The following PIK3R6 variants were observed in gnomAD, a reference collection of about 807,000 sequenced individuals.
PIK3R6 encodes phosphoinositide-3-kinase regulatory subunit 6.
In PIK3R6, 91 loss-of-function variants were observed where a neutral mutation model predicts 84.9. The observed-to-expected ratio is 1.07, with a 90% CI of 0.90 to 1.28. The LOEUF (loss-of-function observed/expected upper bound fraction) is 1.28, where lower values mean the gene tolerates loss of function less well. PIK3R6 is among the 50% of genes most tolerant of loss of function. The pLI is 0.00. For synonymous variants in PIK3R6, 416 were observed against 411.4 expected (o/e 1.01, Z -0.13); for missense variants, 996 against 985.1 (o/e 1.01, Z -0.15).
chr17:8,834,949 T>C (rs1043881036), intron 8 of PIK3R6, among the ~76,000 whole-genome samples: 2 of 152,182 alleles, frequency 1.3e-5, no homozygotes, highest in African/African-American at 4.8e-5. Flanking sequence ...GCTATTCTCC[T>C]GCCTCAGCCT....
intron 1 of PIK3R6, among the ~76,000 whole-genome samples, chr17:8,857,351 A>G (rs2089166219): frequency 6.6e-6 from 1 of 152,194 alleles, no homozygotes; most frequent in African/African-American, 2.4e-5. Flanking sequence ...CGTGGCCATG[A>G]AGGATAGAAC....
At position 8,828,630 on chromosome 17, in the gene PIK3R6, C is replaced by T. The variant is rs758849024; in HGVS notation, c.1250G>A (p.Arg417Gln). ...CCTGTCATCTCCGAGCACAAGTACC[C>T]GGGCTGTGTGCAGCCGGGACACGCC... is the stretch of plus-strand genomic sequence containing the variant. ...LPGVSRLHTA[R>Q]VLVLGDDRML... Residue 417 changes from arginine (R) to glutamine (Q), a missense_variant, in exon 11 of 20, where the codon CGG becomes CAG. Transcript: ENST00000619866. The T allele has an allele frequency of 1.4e-5, 22 of 1,613,444 alleles. No individual in the cohort carries two copies. The South Asian group carries it at 2.3e-4, about 17-fold the overall frequency.
chr17:8,808,042 A>G (rs1474986050), intron 18 of PIK3R6, among the ~76,000 whole-genome samples: 1 of 152,136 alleles, frequency 6.6e-6, no homozygotes, highest in Non-Finnish European at 1.5e-5. Context: ...TAGAGAGGAC[A>G]AAGAAGGGAG....
intron 2 of PIK3R6, among the ~76,000 whole-genome samples, chr17:8,840,293 T>TCC (rs2088630899): frequency 4.3e-5 from 6 of 140,656 alleles, no homozygotes; most frequent in African/African-American, 1.3e-4. Context: ...ATATACAGCC[T>TCC]ACAAATATGT....
chr17:8,859,038 G>A lies in PIK3R6; in HGVS notation c.-92+8491C>T, dbSNP rs2089210233. ...GCTGAAGGCTGGGAAGCCGGAATAAGCACATGCAATTGTCTTGTATGTAAA... is the reference window on the plus strand; with the variant it reads ...GCTGAAGGCTGGGAAGCCGGAATAAACACATGCAATTGTCTTGTATGTAAA... On this transcript the variant is annotated intron_variant, in intron 1 of 19. Transcript: ENST00000619866. Among the ~76,000 whole-genome samples the A allele has an allele frequency of 2.0e-5, 3 of 151,954 alleles. No homozygotes were observed. The South Asian group carries it at 6.2e-4, about 31-fold the overall frequency.
In PIK3R6 at chr17:8,828,157, G is replaced by T. The variant is rs1267452119; in HGVS notation, c.1347C>A (p.Pro449=). 1 of 1,613,882 alleles carries T rather than the reference G, an allele frequency of 6.2e-7. No homozygotes were observed. Among genetic ancestry groups the T allele is most frequent in the African/African-American group, 1.3e-5 (1 of 74,932 alleles). ...TGTAGTAGAGCTGCAGGCTGAGTCTGGGAGTGAGGCAGAACTTCTGGGTCT... is the reference window on the plus strand; with the variant it reads ...TGTAGTAGAGCTGCAGGCTGAGTCTTGGAGTGAGGCAGAACTTCTGGGTCT... ...KRETQKFCLT[P]RLSLQLYYIP... Residue 449 remains proline (P), a synonymous_variant, in exon 12 of 20, where the codon CCC becomes CCA. Coordinates refer to ENST00000619866, the MANE Select transcript of PIK3R6 (RefSeq NM_001010855.4).
Position 8,828,169 on chromosome 17 carries a change from G to C in PIK3R6, c.1335C>G (p.Phe445Leu), listed in dbSNP as rs166435. 15 of 1,613,874 alleles carry C rather than the reference G, an allele frequency of 9.3e-6. No individual in the cohort carries two copies. The highest frequency in any genetic ancestry group is 1.3e-5 in the Non-Finnish European group (15 of 1,179,876). Residue 445 changes from phenylalanine to leucine, a missense_variant, in exon 12 of 20, where the codon TTC (phenylalanine) becomes TTG (leucine). Coordinates refer to ENST00000619866, the MANE Select transcript of PIK3R6 (RefSeq NM_001010855.4). ...GCAGGCTGAGTCTGGGAGTGAGGCAGAACTTCTGGGTCTCCCGTTTCCTAG... is the reference window on the plus strand; with the variant it reads ...GCAGGCTGAGTCTGGGAGTGAGGCACAACTTCTGGGTCTCCCGTTTCCTAG... ...HRLRKRETQKFCLTPRLSLQL... is the reference protein window; with the variant it reads ...HRLRKRETQKLCLTPRLSLQL...
chr17:8,805,621 C>A (rs1406436106), intron 18 of PIK3R6, among the ~76,000 whole-genome samples: 1 of 152,180 alleles, frequency 6.6e-6, no homozygotes, highest in Non-Finnish European at 1.5e-5. Context: ...GCCAACAGAA[C>A]CTGTGGCACC....
At chr17:8,833,389 C>T (rs2151257451) in intron 8 of PIK3R6, among the ~76,000 whole-genome samples, 1 of 152,176 alleles carries the variant, frequency 6.6e-6, no homozygotes, top group East Asian at 1.9e-4. Context: ...TTGTGAATTC[C>T]AGGAATTCAC....
At chr17:8,832,093 A>G (rs1316425103) in intron 9 of PIK3R6, among the ~76,000 whole-genome samples, 2 of 152,230 alleles carry the variant, frequency 1.3e-5, no homozygotes, top group South Asian at 2.1e-4. Flanking sequence ...GGATTACTGC[A>G]GCTGAGTAGT....
In PIK3R6 at chr17:8,828,762, T is replaced by C. The variant is rs1448577577; in HGVS notation, c.1118A>G (p.Lys373Arg). The change falls in exon 11 of 20, where the codon AAG (lysine) becomes AGG (arginine). Residue 373 changes from lysine to arginine, a missense_variant. Lys to Arg is a conservative substitution (Grantham distance 26, BLOSUM62 2). Coordinates refer to ENST00000619866, the MANE Select transcript of PIK3R6 (RefSeq NM_001010855.4). ...GAAGTCCAGGGGCCATGCACGCTTC[T>C]TGATGCCCCCTTTGCGCTGCAGCCC... ...RAGLQRKGGI[K>R]KRAWPLDFLM... 1 of 1,597,248 alleles carries C rather than the reference T, an allele frequency of 6.3e-7. No homozygotes were observed.
intron 15 of PIK3R6, 82 bp from the exon 16 acceptor site, chr17:8,822,739 C>T (rs568966402): frequency 1.4e-6 from 2 of 1,403,046 alleles, no homozygotes; most frequent in South Asian, 1.2e-5. Flanking sequence ...AGGGCAGGAG[C>T]TGAGCTGCTG....
Position 8,829,876 on chromosome 17 carries a change from C to T in PIK3R6, c.803-84G>A, listed in dbSNP as rs897714052. 242 of 1,153,254 alleles carry T rather than the reference C, an allele frequency of 2.1e-4. 1 individual carries two copies. Among genetic ancestry groups the T allele is most frequent in the Non-Finnish European group, 2.8e-4 (230 of 815,736 alleles). The allele number at this position is 1,153,254 out of a possible 1,614,324, so 71.4% of individuals were successfully genotyped here. On this transcript the variant is annotated intron_variant, in intron 9 of 19. Transcript: ENST00000619866. Reference sequence around the variant, plus strand: ...CTCCCCATCCTGCCCAGCTCCTGTGCGGGGTCTTAGAGAGGTGGCAGGGAC... The same window carrying T: ...CTCCCCATCCTGCCCAGCTCCTGTGTGGGGTCTTAGAGAGGTGGCAGGGAC...
Position 8,803,345 on chromosome 17 carries a change from C to T in PIK3R6, c.2193G>A (p.Glu731=). The change falls in exon 20 of 20, where the codon GAG becomes GAA. Residue 731 remains glutamate, a synonymous_variant. Transcript: ENST00000619866. This position sits in a 1 kb window ranked among gnomAD's most constrained non-coding sequence, Gnocchi z 5.0. ...TGGGCTTGGCTTTGATTGCTTCCAC[C>T]TCCTGTTGCCCATGCAAATTGAGCC... ...APWLNLHGQQ[E]VEAIKAKPKP... is the part of the protein sequence containing the mutation. The T allele has an allele frequency of 6.2e-7, 1 of 1,613,608 alleles. No homozygotes were observed.
Position 8,832,962 on chromosome 17 carries a change from G to A in PIK3R6, c.729C>T (p.Ser243=), listed in dbSNP as rs2088307902. The part of the protein sequence containing the change: ...LEQMASEASP[S]REGHVERLEE... Reference sequence around the variant, plus strand: ...CCAGCCTCTCTACGTGTCCCTCCCGGCTCGGGCTGGCCTCGCTGGCCATCT... The same window carrying A: ...CCAGCCTCTCTACGTGTCCCTCCCGACTCGGGCTGGCCTCGCTGGCCATCT... Residue 243 remains serine (S), a synonymous_variant, in exon 9 of 20, where the codon AGC becomes AGT. Coordinates refer to ENST00000619866, the MANE Select transcript of PIK3R6 (RefSeq NM_001010855.4). The A allele has an allele frequency of 6.2e-7, 1 of 1,612,456 alleles. No homozygotes were observed. The highest frequency in any genetic ancestry group is 8.5e-7 in the Non-Finnish European group (1 of 1,179,726).
At chr17:8,841,428 G>A (rs567067981) in intron 2 of PIK3R6, among the ~76,000 whole-genome samples, 9 of 152,200 alleles carry the variant, frequency 5.9e-5, no homozygotes, top group Non-Finnish European at 1.2e-4. Flanking sequence ...ATCCCTTACC[G>A]TCGATGTATA....
chr17:8,841,151 C>T (rs1352582418), intron 2 of PIK3R6, among the ~76,000 whole-genome samples: 1 of 152,074 alleles, frequency 6.6e-6, no homozygotes, highest in East Asian at 1.9e-4. Flanking sequence ...CCTGTCTTTT[C>T]TGGTAGTCTC....
At chr17:8,845,827 C>T (rs1597427245) in intron 2 of PIK3R6, among the ~76,000 whole-genome samples, 1 of 152,124 alleles carries the variant, frequency 6.6e-6, no homozygotes, top group African/African-American at 2.4e-5. Flanking sequence ...ATCCCAGCTA[C>T]ACAGGAAGCT....
In PIK3R6 at chr17:8,803,768, T is replaced by C; in HGVS notation, c.2108+273A>G. ...GCCCGTGCCTGCAGAGGGGACTGGA[T>C]CAGGAGGCTGCAGGCTGAGTGTATG... On this transcript the variant is annotated intron_variant, in intron 19 of 19. Coordinates refer to ENST00000619866, the MANE Select transcript of PIK3R6 (RefSeq NM_001010855.4). The surrounding 1 kb of genome is among the most constrained non-coding windows in gnomAD (Gnocchi z 5.0). 1.8e-6 allele frequency: 1 copy of C among 569,728 alleles called. No individual in the cohort carries two copies. The allele number at this position is 569,728 out of a possible 1,614,324, so 35.3% of individuals were successfully genotyped here. A position where few individuals can be genotyped will look rare whatever the true frequency, so the allele number is the denominator to read the frequency against.
Sources: gnomAD v4.1 joint callset for allele counts (sites outside exome capture counted in the v4.1 genomes callset) on GRCh38, gnomAD v4.1.1 for gene constraint, Gnocchi (gnomAD v3.1) non-coding constraint, MANE v1.5 for transcripts, NCBI Gene and HGNC (gene_info 2026-07-23, HGNC 2026-07-21) for gene names.